Variants in PHF14 observed in about 807,000 individuals in gnomAD.
The protein encoded by PHF14 is PHD finger protein 14.
In PHF14, 55 loss-of-function variants were observed where a neutral mutation model predicts 117.9. The observed-to-expected ratio is 0.47, with a 90% confidence interval of 0.38 to 0.58. The LOEUF (loss-of-function observed/expected upper bound fraction) is 0.58, where lower values mean the gene tolerates loss of function less well. Ranked by LOEUF, PHF14 falls within the 20% of genes least tolerant of loss-of-function variation. PHF14 has a pLI of 0.00. For synonymous variants in PHF14, 409 were observed against 368.6 expected, an observed-to-expected ratio of 1.11 and a Z score of -1.26; for missense variants, 978 against 1,122.2, an observed-to-expected ratio of 0.87 and a Z score of 1.84.
In PHF14 at chr7:10,990,910, C is replaced by G. The variant is rs541025051; in HGVS notation, c.1045+63C>G. On this transcript the variant is annotated intron_variant, in intron 4 of 17. Transcript: ENST00000634607. ...TGACTGTGGCTCTTTTACATTTGTA[C>G]TAAGGTGGTTCTACAATATTTCATG... The G allele has an allele frequency of 1.2e-4, 144 of 1,157,008 alleles. No homozygotes were observed. In the African/African-American group the frequency reaches 1.7e-3, roughly 14 times the overall value. 71.7% of individuals were successfully genotyped at this position (1,157,008 alleles called of 1,614,324 possible).
chr7:11,069,410 C>T (rs994358520), intron 16 of PHF14, among the ~76,000 whole-genome samples: 10 of 152,220 alleles, frequency 6.6e-5, no homozygotes, highest in African/African-American at 1.7e-4. Flanking sequence ...ATAAGGAGGA[C>T]GATAAGGCAC....
At chr7:11,007,316 C>T (rs1371361433) in intron 4 of PHF14, among the ~76,000 whole-genome samples, 1 of 151,838 alleles carries the variant, frequency 6.6e-6, no homozygotes, top group Non-Finnish European at 1.5e-5. Context: ...ATTTTCCATC[C>T]TTGCAAATGT....
intron 3 of PHF14, among the ~76,000 whole-genome samples, chr7:10,989,957 G>T (rs1782386384): frequency 6.6e-6 from 1 of 152,174 alleles, no homozygotes; most frequent in East Asian, 1.9e-4. Context: ...TCACTAGCTA[G>T]ATGTATTTAT....
chr7:11,063,552 A>G, intron 16 of PHF14: 2 of 973,686 alleles, frequency 2.1e-6, no homozygotes, highest in Non-Finnish European at 2.4e-6. Flanking sequence ...TGATCCTTTT[A>G]TTAATTATTT....
intron 4 of PHF14, among the ~76,000 whole-genome samples, chr7:11,000,925 A>G (rs906437388): frequency 1.5e-4 from 23 of 152,160 alleles, no homozygotes; most frequent in African/African-American, 5.5e-4. Flanking sequence ...TGTATCTAAA[A>G]AGTCGTTACT....
At chr7:11,024,067 A>G (rs1368985223) in intron 6 of PHF14, among the ~76,000 whole-genome samples, 1 of 152,226 alleles carries the variant, frequency 6.6e-6, no homozygotes, top group Non-Finnish European at 1.5e-5. Context: ...TACTCCAGCA[A>G]ACACATGAAT....
chr7:10,989,862 C>T (rs1170003109), intron 3 of PHF14, among the ~76,000 whole-genome samples: 4 of 152,128 alleles, frequency 2.6e-5, no homozygotes, highest in Non-Finnish European at 5.9e-5. Flanking sequence ...AACTCCTGGC[C>T]TCAAGTGATC....
intron 14 of PHF14, among the ~76,000 whole-genome samples, chr7:11,060,193 T>G (rs1383347706): frequency 6.6e-6 from 1 of 152,212 alleles, no homozygotes; most frequent in Non-Finnish European, 1.5e-5. Flanking sequence ...TCAGATCTTT[T>G]AGTTTGTATT....
At chr7:11,069,929 G>A (rs1785556361) in intron 16 of PHF14, among the ~76,000 whole-genome samples, 1 of 151,476 alleles carries the variant, frequency 6.6e-6, no homozygotes, top group African/African-American at 2.4e-5. Context: ...TGGAAAAAGT[G>A]TTCCCTTATT....
intron 14 of PHF14, among the ~76,000 whole-genome samples, chr7:11,053,402 C>T (rs1470291167): frequency 6.6e-6 from 1 of 151,808 alleles, no homozygotes; most frequent in East Asian, 1.9e-4. Flanking sequence ...CTGTTTATAA[C>T]TCTTTTTTTA....
At position 10,974,760 on chromosome 7, in the gene PHF14, G is replaced by C. The variant is rs573021262; in HGVS notation, c.2-75G>C. 5.7e-5 allele frequency: 44 copies of C among 769,682 alleles called. 1 individual carries two copies. In the African/African-American group the frequency reaches 6.9e-4, roughly 12 times the overall value. 47.7% of individuals were successfully genotyped at this position (769,682 alleles called of 1,614,324 possible). ...ATTCCTTGTGCGAGGTCATCTTTAT[G>C]TTCTCTTAGCACCACAACTCTCCCC... On this transcript the variant is annotated intron_variant, in intron 1 of 17. Transcript: ENST00000634607.
chr7:11,104,598 T>C (rs892638458), intron 16 of PHF14: 44 of 983,742 alleles, frequency 4.5e-5, no homozygotes, highest in Non-Finnish European at 1.8e-5. Flanking sequence ...CATGAAAATA[T>C]CAGGAAGGAG....
chr7:11,109,097 G>A (rs1193071893), intron 16 of PHF14: 2 of 151,846 alleles, frequency 1.3e-5, no homozygotes, highest in Non-Finnish European at 3.0e-5. Flanking sequence ...TAACTCAGTA[G>A]CAATTATCAT....
intron 16 of PHF14, chr7:11,104,184 T>A: frequency 1.0e-6 from 1 of 983,460 alleles, no homozygotes; most frequent in Non-Finnish European, 1.2e-6. Flanking sequence ...TCACTTTGAT[T>A]CCAATTATAA....
At chr7:10,977,410 C>T (rs1040469781) in intron 2 of PHF14, among the ~76,000 whole-genome samples, 1 of 152,060 alleles carries the variant, frequency 6.6e-6, no homozygotes, top group Non-Finnish European at 1.5e-5. Flanking sequence ...TTACCTTCAT[C>T]TTGAAATCTG....
At chr7:10,987,341 G>A (rs1389258311) in intron 3 of PHF14, among the ~76,000 whole-genome samples, 2 of 152,024 alleles carry the variant, frequency 1.3e-5, no homozygotes, top group Admixed American at 6.5e-5. Context: ...TACAGGAAAT[G>A]TGCTGGAATT....
At chr7:10,980,038 A>G (rs925174999) in intron 2 of PHF14, among the ~76,000 whole-genome samples, 3 of 152,112 alleles carry the variant, frequency 2.0e-5, no homozygotes, top group Non-Finnish European at 4.4e-5. Flanking sequence ...AGGAGTCTCA[A>G]TTTACCTCTC....
At chr7:11,077,769 G>A (rs944427477) in intron 16 of PHF14, among the ~76,000 whole-genome samples, 3 of 152,072 alleles carry the variant, frequency 2.0e-5, no homozygotes, top group Admixed American at 6.5e-5. Context: ...GGCAGGTTCA[G>A]TTAAATGAGT....
At chr7:11,088,459 T>C (rs1473310136) in intron 16 of PHF14, among the ~76,000 whole-genome samples, 2 of 152,024 alleles carry the variant, frequency 1.3e-5, no homozygotes, top group Admixed American at 6.6e-5. Flanking sequence ...TGAGAAATTG[T>C]CAAATTTTTA....
Sources: allele counts gnomAD v4.1 joint callset (sites outside exome capture counted in the v4.1 genomes callset), GRCh38; gene constraint gnomAD v4.1.1; transcripts MANE v1.5; gene names NCBI Gene and HGNC (gene_info 2026-07-23, HGNC 2026-07-21).